PRMT3: variants seen among roughly 807,000 people sequenced by gnomAD.
The protein encoded by PRMT3 is protein arginine N-methyltransferase 3.
A neutral mutation model predicts 71.9 loss-of-function variants in PRMT3; 62 were observed. The ratio of observed to expected loss-of-function variants is 0.86; its 90% CI spans 0.70 to 1.07. The LOEUF (loss-of-function observed/expected upper bound fraction) is 1.07, where lower values mean the gene tolerates loss of function less well. Ranked by LOEUF, PRMT3 falls within the 50% of genes least tolerant of loss-of-function variation. The pLI is 0.00. For synonymous variants in PRMT3, 213 were observed against 220.4 expected (o/e 0.97, Z 0.30); for missense variants, 663 against 643.0 (o/e 1.03, Z -0.34).
intron 9 of PRMT3, among the ~76,000 whole-genome samples, chr11:20,408,516 G>A (rs1439649301): frequency 2.6e-5 from 4 of 152,142 alleles, no homozygotes; most frequent in Non-Finnish European, 5.9e-5. Context: ...AAACAAGGCA[G>A]AGTGGATTTA....
Position 20,407,990 on chromosome 11 carries a change from T to A in PRMT3, c.851T>A (p.Val284Asp). Reference protein sequence around the residue: ...AKAGAKKVLGVDQSEILYQAM... With the variant: ...AKAGAKKVLGDDQSEILYQAM... ...GCTGGGGCGAAGAAGGTTCTTGGAG[T>A]TGATCAATCTGAAATACTTTACCAG... Residue 284 changes from valine (V) to aspartate (D), a missense_variant, in exon 9 of 16, where the codon GTT (valine) becomes GAT (aspartate). By Grantham distance (152) the Val-to-Asp change is radical. Coordinates refer to ENST00000331079, the MANE Select transcript of PRMT3 (RefSeq NM_005788.4). 2 of 1,598,942 alleles carry A rather than the reference T, an allele frequency of 1.3e-6. No homozygotes were observed. The highest frequency in any genetic ancestry group is 1.7e-6 in the Non-Finnish European group (2 of 1,166,452).
chr11:20,499,659 T>C (rs1162117099), intron 15 of PRMT3, among the ~76,000 whole-genome samples: 8 of 151,952 alleles, frequency 5.3e-5, no homozygotes, highest in Admixed American at 1.3e-4. Context: ...AAGAAGAAGA[T>C]GGGGAAAAGG....
intron 4 of PRMT3, among the ~76,000 whole-genome samples, 188 bp from the exon 5 acceptor site, chr11:20,392,709 G>A (rs1054005317): frequency 2.7e-5 from 4 of 149,764 alleles, no homozygotes; most frequent in African/African-American, 9.9e-5. Context: ...AAAACTCTGC[G>A]TTGAAACTGC....
chr11:20,468,741 A>G (rs1850573131), intron 13 of PRMT3, among the ~76,000 whole-genome samples: 1 of 152,220 alleles, frequency 6.6e-6, no homozygotes, highest in Admixed American at 6.5e-5. Flanking sequence ...ATTGGATTTT[A>G]CAAAGTTACA....
At position 20,505,409 on chromosome 11, in the gene PRMT3, T is replaced by G. The variant is rs182161362; in HGVS notation, c.1487-2895T>G. Among the ~76,000 whole-genome samples the G allele has an allele frequency of 7.2e-3, 1,091 of 152,312 alleles. 3 individuals carry two copies. Among genetic ancestry groups the G allele is most frequent in the Middle Eastern group, 0.02 (6 of 294 alleles). ...AACTACTTTATACCAGCAACTAAAT[T>G]AAGTAATTTGTATAAGACATACTGC... On this transcript the variant is annotated intron_variant, in intron 15 of 15. Transcript: ENST00000331079.
chr11:20,496,780 A>T (rs553779846), intron 15 of PRMT3, among the ~76,000 whole-genome samples: 1 of 152,214 alleles, frequency 6.6e-6, no homozygotes. Flanking sequence ...CATAAATTCT[A>T]TAGCTTCAGT....
At chr11:20,454,524 T>G (rs1236498228) in intron 11 of PRMT3, among the ~76,000 whole-genome samples, 2 of 152,176 alleles carry the variant, frequency 1.3e-5, no homozygotes, top group African/African-American at 4.8e-5. Flanking sequence ...AGGTCAGCAT[T>G]TAACTCCTTA....
chr11:20,387,801 G>T lies in PRMT3; in HGVS notation c.28+27G>T, dbSNP rs1324047169. The stretch of plus-strand genomic sequence containing the variant: ...TGGGTACCCTGGCCCCTCAGCACCC[G>T]GCTCGTCCAGCCCCAGGCCGCGCCG... On this transcript the variant is annotated intron_variant, in intron 1 of 15. Coordinates refer to ENST00000331079, the MANE Select transcript of PRMT3 (RefSeq NM_005788.4). The surrounding 1 kb of genome is among the most constrained non-coding windows in gnomAD (Gnocchi z 4.3). 1 of 1,541,310 alleles carries T rather than the reference G, an allele frequency of 6.5e-7. No homozygotes were observed. The highest frequency in any genetic ancestry group is 2.4e-5 in the East Asian group (1 of 40,872).
chr11:20,490,266 T>A (rs957663731), intron 13 of PRMT3, among the ~76,000 whole-genome samples: 23 of 152,104 alleles, frequency 1.5e-4, no homozygotes, highest in African/African-American at 5.1e-4. Context: ...GCTTGAAGAC[T>A]CAAAGATACT....
intron 13 of PRMT3, among the ~76,000 whole-genome samples, chr11:20,484,075 A>G (rs1486828867): frequency 3.9e-5 from 6 of 152,194 alleles, no homozygotes; most frequent in African/African-American, 1.4e-4. Context: ...CTGATTTCCT[A>G]TAGTCCCTGA....
Position 20,387,916 on chromosome 11 carries a change from C to G in PRMT3, c.29-103C>G. ...CATGAAGGAGGTGCTGAGTGAGGGC[C>G]GCGGGCGAACGGGGCGGAGGAGAGC... On this transcript the variant is annotated intron_variant, in intron 1 of 15. Transcript: ENST00000331079. This position sits in a 1 kb window ranked among gnomAD's most constrained non-coding sequence, Gnocchi z 4.3. 1 of 1,575,074 alleles carries G rather than the reference C, an allele frequency of 6.3e-7. No homozygotes were observed. Among genetic ancestry groups the G allele is most frequent in the Non-Finnish European group, 8.6e-7 (1 of 1,159,344 alleles).
intron 6 of PRMT3, among the ~76,000 whole-genome samples, 177 bp downstream of exon 6, chr11:20,396,139 A>G (rs1046941819): frequency 3.3e-5 from 5 of 152,240 alleles, no homozygotes; most frequent in African/African-American, 1.2e-4. Flanking sequence ...GTTAATTAAT[A>G]TAAAATCTTA....
chr11:20,391,144 A>G (rs1848705240), intron 3 of PRMT3, among the ~76,000 whole-genome samples: 1 of 152,242 alleles, frequency 6.6e-6, no homozygotes, highest in Non-Finnish European at 1.5e-5. Flanking sequence ...CAGGTGTTTC[A>G]GTGTCAGATA....
In PRMT3 at chr11:20,452,049, A is replaced by G. The variant is rs892185391; in HGVS notation, c.994-81A>G. 8.3e-5 allele frequency: 82 copies of G among 986,212 alleles called. No individual in the cohort carries two copies. In the African/African-American group the frequency reaches 1.0e-3, roughly 12 times the overall value. 61.1% of individuals were successfully genotyped at this position (986,212 alleles called of 1,614,324 possible). A position where few individuals can be genotyped will look rare whatever the true frequency, so the allele number is the denominator to read the frequency against. Reference sequence around the variant, plus strand: ...AAAAAAAATATTCTGTAATTAAAAGAGTAGCACCGATGTTTAAATTGACCT... The same window carrying G: ...AAAAAAAATATTCTGTAATTAAAAGGGTAGCACCGATGTTTAAATTGACCT... On this transcript the variant is annotated intron_variant, in intron 10 of 15. Transcript: ENST00000331079.
chr11:20,490,933 G>T (rs1371413083), intron 13 of PRMT3, among the ~76,000 whole-genome samples: 1 of 152,074 alleles, frequency 6.6e-6, no homozygotes, highest in East Asian at 1.9e-4. Flanking sequence ...ATTCTGTCTA[G>T]ATATAGAATT....
At chr11:20,418,337 C>T (rs12421508) in intron 9 of PRMT3, among the ~76,000 whole-genome samples, 4,939 of 151,878 alleles carry the variant, frequency 0.033, 193 homozygotes, top group Admixed American at 0.12. Flanking sequence ...ATTTTTTTCA[C>T]GAATGGAAAA....
chr11:20,504,483 C>T (rs1335959719), intron 15 of PRMT3, among the ~76,000 whole-genome samples: 1 of 152,058 alleles, frequency 6.6e-6, no homozygotes, highest in African/African-American at 2.4e-5. Context: ...AAAATCAGCT[C>T]ATTAATTTCT....
chr11:20,434,994 T>C (rs983728078), intron 10 of PRMT3, among the ~76,000 whole-genome samples: 1 of 152,212 alleles, frequency 6.6e-6, no homozygotes, highest in South Asian at 2.1e-4. Flanking sequence ...TTCAATGATA[T>C]TGATCCTTCT....
intron 13 of PRMT3, among the ~76,000 whole-genome samples, chr11:20,467,518 G>C (rs942532085): frequency 6.6e-6 from 1 of 152,172 alleles, no homozygotes; most frequent in East Asian, 1.9e-4. Context: ...AAGAAAGCAG[G>C]CTTCGTGTTG....
Sources: allele counts gnomAD v4.1 joint callset (sites outside exome capture counted in the v4.1 genomes callset), GRCh38; gene constraint gnomAD v4.1.1; non-coding constraint Gnocchi (gnomAD v3.1); transcripts MANE v1.5; gene names NCBI Gene and HGNC (gene_info 2026-07-23, HGNC 2026-07-21).